ZNF782: variants seen among roughly 807,000 people sequenced by gnomAD.
ZNF782 encodes the protein zinc finger protein 782.
Under a neutral mutation model 13.0 loss-of-function variants are expected in ZNF782, and 12 were observed. The ratio of observed to expected loss-of-function variants is 0.92; its 90% CI spans 0.59 to 1.50. ZNF782 has a LOEUF of 1.50. Among genes scored for constraint, ZNF782 ranks in the 40% most tolerant of loss-of-function variants. The pLI, the probability that ZNF782 is intolerant of heterozygous loss-of-function variation, is 0.00. For synonymous variants in ZNF782, 284 were observed against 283.0 expected (o/e 1.00, Z -0.04); for missense variants, 770 against 822.9 (o/e 0.94, Z 0.79).
chr9:96,877,850 CAACTT>C (rs770193068), upstream of ZNF782, among the ~76,000 whole-genome samples: 1 of 152,166 alleles, frequency 6.6e-6, no homozygotes, highest in Non-Finnish European at 1.5e-5. Flanking sequence ...TTTCTATAAA[CAACTT>C]AATTGGCTTA....
the ZNF782 span, among the ~76,000 whole-genome samples, chr9:96,880,720 C>A: frequency 1.3e-5 from 2 of 152,122 alleles, no homozygotes; most frequent in South Asian, 2.1e-4. Flanking sequence ...TGTCCATGTT[C>A]AGAAGAAGAA....
At chr9:96,894,538 C>G in the ZNF782 span, 1 of 152,180 alleles carries the variant, frequency 6.6e-6, no homozygotes. Flanking sequence ...GACCCCCACC[C>G]TACTCCTTGG....
At position 96,818,518 on chromosome 9, in the gene ZNF782, C is replaced by T. The variant is rs371992109; in HGVS notation, c.1505G>A (p.Gly502Glu). 18 of 1,613,682 alleles carry T rather than the reference C, an allele frequency of 1.1e-5. No individual in the cohort carries two copies. Among genetic ancestry groups the T allele is most frequent in the Admixed American group, 1.7e-5 (1 of 59,990 alleles). The part of the protein sequence containing the change: ...GLRNHRRTHT[G>E]ERPYKCDECG... ...TTCATCACATTTATATGGTCTTTCC[C>T]CTGTGTGAGTTCTTCGGTGATTCCT... Residue 502 changes from glycine (G) to glutamate (E), a missense_variant, in exon 6 of 6, where the codon GGG becomes GAG. Coordinates refer to ENST00000481138, the MANE Select transcript of ZNF782 (RefSeq NM_001001662.3).
At chr9:96,921,928 A>AGG in the ZNF782 span, among the ~76,000 whole-genome samples, 2 of 150,896 alleles carry the variant, frequency 1.3e-5, no homozygotes, top group African/African-American at 4.9e-5. Flanking sequence ...TCCTGACCTC[A>AGG]TGATCCACCC....
At chr9:96,886,839 C>T in the ZNF782 span, among the ~76,000 whole-genome samples, 1 of 150,182 alleles carries the variant, frequency 6.7e-6, no homozygotes, top group Non-Finnish European at 1.5e-5. Context: ...AGGAGAATCG[C>T]TTGAACCTGG....
At chr9:96,907,264 T>C in the ZNF782 span, among the ~76,000 whole-genome samples, 576 of 152,332 alleles carry the variant, frequency 3.8e-3, 2 homozygotes, top group African/African-American at 0.013. Context: ...ACAAATACTA[T>C]ATGATTACTT....
rs202129731 is a variant in ZNF782 at position 96,819,793 on chromosome 9, A to G, written c.245-15T>C. 1.0e-3 allele frequency: 1,574 copies of G among 1,540,614 alleles called. 3 individuals carry two copies. Among genetic ancestry groups the G allele is most frequent in the Non-Finnish European group, 1.3e-3 (1,492 of 1,150,674 alleles). On this transcript the variant is annotated splice_polypyrimidine_tract_variant and intron_variant, in intron 5 of 5. Coordinates refer to ENST00000481138, the MANE Select transcript of ZNF782 (RefSeq NM_001001662.3). The stretch of plus-strand genomic sequence containing the variant: ...TTGGGAGTCTTCTAAAAATGATAAA[A>G]TTAAACAAACTTTATGATATTTAAC...
chr9:96,838,252 G>A (rs559055306), intron 4 of ZNF782, among the ~76,000 whole-genome samples: 2 of 152,216 alleles, frequency 1.3e-5, no homozygotes, highest in East Asian at 3.9e-4. Context: ...TATGATTTCT[G>A]TACTTTTTCA....
At chr9:96,930,876 T>TTTTTTTG in the ZNF782 span, among the ~76,000 whole-genome samples, 1 of 45,990 alleles carries the variant, frequency 2.2e-5, no homozygotes, top group African/African-American at 1.6e-4. Flanking sequence ...CCAGTGGTTT[T>TTTTTTTG]TTTTTTTTTT....
the ZNF782 span, among the ~76,000 whole-genome samples, chr9:96,900,799 T>C: frequency 1.3e-5 from 2 of 152,018 alleles, no homozygotes; most frequent in Non-Finnish European, 2.9e-5. Context: ...TATACAAGCA[T>C]CTTTTCACCC....
upstream of ZNF782, among the ~76,000 whole-genome samples, chr9:96,877,127 A>G (rs13295910): frequency 6.6e-6 from 1 of 152,210 alleles, no homozygotes; most frequent in East Asian, 1.9e-4. Flanking sequence ...ACATCTTTTT[A>G]CTAAATTATA....
intron 2 of ZNF782, among the ~76,000 whole-genome samples, chr9:96,860,670 C>T (rs1338320908): frequency 1.3e-5 from 2 of 152,206 alleles, no homozygotes; most frequent in African/African-American, 4.8e-5. Context: ...GGAGGAATCA[C>T]ATTATCTTAT....
At chr9:96,927,751 T>G in the ZNF782 span, among the ~76,000 whole-genome samples, 142 of 151,520 alleles carry the variant, frequency 9.4e-4, 1 homozygote, top group Non-Finnish European at 2.8e-4. Context: ...ACTGTTTATC[T>G]TCAATTCAAA....
intron 4 of ZNF782, among the ~76,000 whole-genome samples, chr9:96,829,702 G>A (rs1306580074): frequency 6.6e-6 from 1 of 152,036 alleles, no homozygotes; most frequent in Non-Finnish European, 1.5e-5. Context: ...TAAATCATAA[G>A]ATGGGCCCTG....
chr9:96,931,902 C>A, the ZNF782 span: 10 of 1,612,272 alleles, frequency 6.2e-6, no homozygotes, highest in East Asian at 2.0e-4. Flanking sequence ...CCTCTAGTGG[C>A]AGGACAGGAT....
At chr9:96,831,716 A>T (rs1850807606) in intron 4 of ZNF782, among the ~76,000 whole-genome samples, 1 of 151,874 alleles carries the variant, frequency 6.6e-6, no homozygotes, top group Non-Finnish European at 1.5e-5. Flanking sequence ...CTGTCTCAAA[A>T]AAAAAAAAAA....
At chr9:96,828,147 A>G (rs1369542078) in intron 4 of ZNF782, among the ~76,000 whole-genome samples, 1 of 152,216 alleles carries the variant, frequency 6.6e-6, no homozygotes, top group Admixed American at 6.5e-5. Context: ...AGTGAAAAAG[A>G]ATAGGCTGAA....
intron 4 of ZNF782, among the ~76,000 whole-genome samples, chr9:96,828,250 C>A (rs369527521): frequency 6.6e-6 from 1 of 152,260 alleles, no homozygotes; most frequent in Middle Eastern, 3.4e-3. Flanking sequence ...GGTAGAATAA[C>A]CAGAACGGTA....
At chr9:96,829,176 T>C (rs1201444051) in intron 4 of ZNF782, among the ~76,000 whole-genome samples, 1 of 150,140 alleles carries the variant, frequency 6.7e-6, no homozygotes, top group Non-Finnish European at 1.5e-5. Context: ...AGAAAAATGG[T>C]ACTATGAAAA....
Sources: gnomAD v4.1 joint callset for allele counts (sites outside exome capture counted in the v4.1 genomes callset) on GRCh38, gnomAD v4.1.1 for gene constraint, MANE v1.5 for transcripts, NCBI Gene and HGNC (gene_info 2026-07-23, HGNC 2026-07-21) for gene names.